The following RNF213 variants were observed in gnomAD, a reference collection of about 807,000 sequenced individuals.
RNF213 encodes the protein E3 ubiquitin-protein ligase RNF213.
A neutral mutation model predicts 514.4 loss-of-function variants in RNF213; 341 were observed. The observed-to-expected ratio is 0.66, with a 90% CI of 0.61 to 0.73. The LOEUF (loss-of-function observed/expected upper bound fraction) is 0.73. Among genes scored for constraint, RNF213 ranks in the 30% least tolerant of loss-of-function variants. The pLI is 0.00. For missense variants in RNF213, 5,767 were observed against 6,615.6 expected, an observed-to-expected ratio of 0.87 and a Z score of 4.45; for synonymous variants, 2,655 against 2,658.2, an observed-to-expected ratio of 1.00 and a Z score of 0.04.
chr17:80,292,210 G>T (rs556771130), intron 8 of RNF213, among the ~76,000 whole-genome samples: 1 of 152,054 alleles, frequency 6.6e-6, no homozygotes, highest in Non-Finnish European at 1.5e-5. Context: ...TCAGCCTCCC[G>T]AGTAGCTGGG....
At chr17:80,289,569 A>G in intron 5 of RNF213, 90 bp from the exon 6 acceptor site, 1 of 1,399,846 alleles carries the variant, frequency 7.1e-7, no homozygotes, top group Non-Finnish European at 9.9e-7. Flanking sequence ...CAGCCTTGGT[A>G]ATAAGAGCGA....
intron 3 of RNF213, among the ~76,000 whole-genome samples, chr17:80,274,300 C>G (rs776634492): frequency 6.6e-6 from 1 of 151,702 alleles, no homozygotes; most frequent in African/African-American, 2.4e-5. Flanking sequence ...CAAGAGAATG[C>G]GTCCTTGTTA....
In RNF213 at chr17:80,332,153, G is replaced by C; in HGVS notation, c.3665G>C (p.Gly1222Ala). 3.9e-6 allele frequency: 6 copies of C among 1,537,198 alleles called. No homozygotes were observed. Among genetic ancestry groups the C allele is most frequent in the Non-Finnish European group, 5.2e-6 (6 of 1,146,920 alleles). Residue 1222 changes from glycine (G) to alanine (A), a missense_variant, in exon 21 of 68, where the codon GGG becomes GCG. Gly to Ala is a moderately conservative substitution (Grantham distance 60). Transcript: ENST00000582970. Reference protein sequence around the residue: ...HLSSQVQEMAGKIDLLRDSHI... With the variant: ...HLSSQVQEMAAKIDLLRDSHI... The stretch of plus-strand genomic sequence containing the variant: ...AGCTCCCAGGTCCAAGAAATGGCTG[G>C]GAAGATAGACTTGCTCAGAGACAGC...
rs556540710 is a variant in RNF213 at position 80,366,158 on chromosome 17, C to T, written c.11872-1590C>T. On this transcript the variant is annotated intron_variant, in intron 42 of 67. Coordinates refer to ENST00000582970, the MANE Select transcript of RNF213 (RefSeq NM_001256071.3). ...GAAAGCCCTGCCTTCCGCCGTGAGG[C>T]TGGCTCCCTCGGCCGGGCAGGAAGT... is the stretch of plus-strand genomic sequence containing the variant. Among the ~76,000 whole-genome samples, 14 of 152,342 alleles carry T rather than the reference C, an allele frequency of 9.2e-5. No individual in the cohort carries two copies. In the South Asian group the frequency reaches 2.9e-3, roughly 32 times the overall value.
At chr17:80,310,284 C>T (rs374007713) in intron 14 of RNF213, among the ~76,000 whole-genome samples, 24 of 151,798 alleles carry the variant, frequency 1.6e-4, no homozygotes, top group African/African-American at 5.3e-4. Context: ...TGGAGTTTTG[C>T]TCTTGTTGCC....
intron 2 of RNF213, among the ~76,000 whole-genome samples, chr17:80,269,038 T>C (rs1347029071): frequency 6.6e-6 from 1 of 152,074 alleles, no homozygotes; most frequent in Non-Finnish European, 1.5e-5. Flanking sequence ...ACCTGAAGTG[T>C]GATGTCCAAG....
Position 80,263,559 on chromosome 17 carries a change from AT to A in RNF213, c.-108-12del. On this transcript the variant is annotated splice_polypyrimidine_tract_variant and intron_variant, in intron 1 of 67. Coordinates refer to ENST00000582970, the MANE Select transcript of RNF213 (RefSeq NM_001256071.3). The surrounding 1 kb of genome is among the most constrained non-coding windows in gnomAD (Gnocchi z 4.9). Reference sequence around the variant, plus strand: ...CCAGGGGACCAGCTGGGCTGCTGTGATTTCACTTTCGCAGAAAATGAAACTG... The same window carrying A: ...CCAGGGGACCAGCTGGGCTGCTGTGATTCACTTTCGCAGAAAATGAAACTG... 2 of 849,904 alleles carry A rather than the reference AT, an allele frequency of 2.4e-6. No homozygotes were observed. Among genetic ancestry groups the A allele is most frequent in the Non-Finnish European group, 4.1e-6 (2 of 493,654 alleles). 52.6% of individuals were successfully genotyped at this position (849,904 alleles called of 1,614,324 possible). A position where few individuals can be genotyped will look rare whatever the true frequency, so the allele number is the denominator to read the frequency against.
chr17:80,369,352 C>G, intron 44 of RNF213, 150 bp from the exon 45 acceptor site: 1 of 785,812 alleles, frequency 1.3e-6, no homozygotes, highest in Non-Finnish European at 2.2e-6. Flanking sequence ...GAGCGGAGAT[C>G]GCGCCACTGT....
intron 40 of RNF213, 103 bp downstream of exon 40, chr17:80,363,417 T>G (rs1051183209): frequency 1.4e-5 from 18 of 1,306,974 alleles, no homozygotes; most frequent in South Asian, 8.4e-5. Flanking sequence ...GGAGATTTCT[T>G]CACAAGGCAC....
Position 80,346,280 on chromosome 17 carries a change from A to C in RNF213, c.7945A>C (p.Arg2649=). The change falls in exon 29 of 68, where the codon AGG becomes CGG. Residue 2649 remains arginine, a synonymous_variant. Coordinates refer to ENST00000582970, the MANE Select transcript of RNF213 (RefSeq NM_001256071.3). The surrounding 1 kb of genome is among the most constrained non-coding windows in gnomAD (Gnocchi z 8.1). ...RDVERCVKVF[R]WFHEHSAMLL... is the part of the protein sequence containing the mutation. Reference sequence around the variant, plus strand: ...CGTGGAGCGCTGTGTGAAAGTTTTCAGGTGGTTCCACGAGCACAGCGCGAT... The same window carrying C: ...CGTGGAGCGCTGTGTGAAAGTTTTCCGGTGGTTCCACGAGCACAGCGCGAT... 1 of 1,614,154 alleles carries C rather than the reference A, an allele frequency of 6.2e-7. No individual in the cohort carries two copies. Among genetic ancestry groups the C allele is most frequent in the Non-Finnish European group, 8.5e-7 (1 of 1,180,014 alleles).
In RNF213 at chr17:80,381,719, C is replaced by A. The variant is rs2080012718; in HGVS notation, c.13970C>A (p.Ser4657Tyr). 6.2e-7 allele frequency: 1 copy of A among 1,613,486 alleles called. No homozygotes were observed. Among genetic ancestry groups the A allele is most frequent in the African/African-American group, 1.3e-5 (1 of 75,066 alleles). Residue 4657 changes from serine (S) to tyrosine (Y), a missense_variant, in exon 57 of 68, where the codon TCT becomes TAT. Physicochemically the swap from Ser to Tyr is moderately radical, Grantham distance 144. Coordinates refer to ENST00000582970, the MANE Select transcript of RNF213 (RefSeq NM_001256071.3). ...RRLLQEQHQL[S>Y]SRRLLNFDTE... ...CTTCTCCAAGAGCAGCACCAGCTCT[C>A]TAGCAGAAGTGAGGAAAGGGGCAAG...
chr17:80,353,695 T>C lies in RNF213; in HGVS notation c.10578+29T>C. ...AGTTCTGGTTCTTGGGACCTCCCCT[T>C]GTGCTGCTGGTGATGCTTCTGAGCT... is the stretch of plus-strand genomic sequence containing the variant. On this transcript the variant is annotated intron_variant, in intron 34 of 67. Transcript: ENST00000582970. This position sits in a 1 kb window ranked among gnomAD's most constrained non-coding sequence, Gnocchi z 5.0. 2 of 1,614,052 alleles carry C rather than the reference T, an allele frequency of 1.2e-6. No homozygotes were observed. The highest frequency in any genetic ancestry group is 1.7e-6 in the Non-Finnish European group (2 of 1,179,920).
At chr17:80,261,122 G>A (rs750052505) in intron 1 of RNF213, among the ~76,000 whole-genome samples, 22 of 152,074 alleles carry the variant, frequency 1.4e-4, no homozygotes, top group Non-Finnish European at 2.8e-4. Flanking sequence ...TGCGGGAGGG[G>A]TCGGGGTGGG....
intron 36 of RNF213, among the ~76,000 whole-genome samples, chr17:80,356,700 T>C (rs926295312): frequency 3.3e-4 from 50 of 152,358 alleles, no homozygotes; most frequent in Middle Eastern, 3.4e-3. Flanking sequence ...TCCCAGCGCT[T>C]GTCCCAGCGC....
chr17:80,261,415 C>T (rs1042017766), intron 1 of RNF213, among the ~76,000 whole-genome samples: 3 of 152,228 alleles, frequency 2.0e-5, no homozygotes, highest in African/African-American at 7.2e-5. Context: ...TTGGCGAAGT[C>T]GCCCGAGCGC....
Position 80,290,562 on chromosome 17 carries a change from T to G in RNF213, c.1113-8T>G. On this transcript the variant is annotated splice_region_variant and splice_polypyrimidine_tract_variant and intron_variant, in intron 6 of 67. Transcript: ENST00000582970. ...GGGAATCAGATTTCTGTTTTGGTTT[T>G]CCACCAGCACGCTGAGCCCGGGTGG... 6.2e-7 allele frequency: 1 copy of G among 1,613,582 alleles called. No individual in the cohort carries two copies. The highest frequency in any genetic ancestry group is 8.5e-7 in the Non-Finnish European group (1 of 1,180,038).
At chr17:80,358,179 A>G (rs539713683) in intron 36 of RNF213, 109 bp from the exon 37 acceptor site, 1 of 848,308 alleles carries the variant, frequency 1.2e-6, no homozygotes, top group Non-Finnish European at 2.0e-6. Context: ...GGTAAATAGT[A>G]GACTAGTTGT....
chr17:80,367,620 G>T (rs2079328772), intron 42 of RNF213, 128 bp from the exon 43 acceptor site: 3 of 709,020 alleles, frequency 4.2e-6, no homozygotes, highest in African/African-American at 1.7e-5. Flanking sequence ...GATCACAAAG[G>T]CCTCGCACCC....
In RNF213 at chr17:80,332,548, C is replaced by T; in HGVS notation, c.4060C>T (p.His1354Tyr). ...ATACCATCACCTGCACCAGGCTGTCCACGCAGCCAAGGTCATCTTGCAGGT... is the reference window on the plus strand; with the variant it reads ...ATACCATCACCTGCACCAGGCTGTCTACGCAGCCAAGGTCATCTTGCAGGT... Reference protein sequence around the residue: ...KEYHHLHQAVHAAKVILQVKE... With the variant: ...KEYHHLHQAVYAAKVILQVKE... Residue 1354 changes from histidine (H) to tyrosine (Y), a missense_variant, in exon 21 of 68, where the codon CAC (histidine) becomes TAC (tyrosine). By Grantham distance (83) the His-to-Tyr change is moderately conservative. Around this residue, in one of 13 missense-constraint regions of RNF213, gnomAD observed 516 missense variants for 566.5 expected, o/e 0.91. Coordinates refer to ENST00000582970, the MANE Select transcript of RNF213 (RefSeq NM_001256071.3). 4 of 1,536,090 alleles carry T rather than the reference C, an allele frequency of 2.6e-6. No homozygotes were observed. The highest frequency in any genetic ancestry group is 3.5e-6 in the Non-Finnish European group (4 of 1,145,952).
Sources: allele counts gnomAD v4.1 joint callset (sites outside exome capture counted in the v4.1 genomes callset), GRCh38; gene constraint gnomAD v4.1.1; regional missense constraint gnomAD v4.1.1; non-coding constraint Gnocchi (gnomAD v3.1); transcripts MANE v1.5; gene names NCBI Gene and HGNC (gene_info 2026-07-23, HGNC 2026-07-21).